A2ML1: variants seen among roughly 807,000 people sequenced by gnomAD.
A2ML1 encodes the protein alpha-2-macroglobulin like 1, also known as alpha-2-macroglobulin-like protein 1.
In A2ML1, 161 loss-of-function variants were observed where a neutral mutation model predicts 181.9. The observed-to-expected ratio is 0.89, with a 90% CI of 0.78 to 1.01. The LOEUF is 1.01. Among genes scored for constraint, A2ML1 ranks in the 50% least tolerant of loss-of-function variants. A2ML1 has a pLI of 0.00. For synonymous variants in A2ML1, 663 were observed against 666.8 expected, an observed-to-expected ratio of 0.99 and a Z score of 0.09; for missense variants, 1,670 against 1,768.1, an observed-to-expected ratio of 0.94 and a Z score of 1.00.
intron 30 of A2ML1, 58 bp from the exon 31 acceptor site, chr12:8,868,172 T>C (rs1230359234): frequency 1.9e-6 from 3 of 1,611,572 alleles, no homozygotes; most frequent in Middle Eastern, 1.7e-4. Context: ...TAGTTTGAAC[T>C]GTACAATCTT....
At position 8,852,140 on chromosome 12, in the gene A2ML1, C is replaced by G. The variant is rs1209537789; in HGVS notation, c.2464-70C>G. 1.3e-6 allele frequency: 2 copies of G among 1,598,984 alleles called. No homozygotes were observed. The highest frequency in any genetic ancestry group is 1.7e-6 in the Non-Finnish European group (2 of 1,171,690). On this transcript the variant is annotated intron_variant, in intron 19 of 35. Transcript: ENST00000299698. This position sits in a 1 kb window ranked among gnomAD's most constrained non-coding sequence, Gnocchi z 4.2. ...GAGGAGATGTCGGCGTCTCAGCCCC[C>G]AGGTTTCCCCAGGCCTCTATGCACT...
chr12:8,873,589 T>C (rs577281024), intron 33 of A2ML1, among the ~76,000 whole-genome samples: 1 of 150,594 alleles, frequency 6.6e-6, no homozygotes, highest in Non-Finnish European at 1.5e-5. Context: ...AAAAATTACA[T>C]GTATATGTGT....
chr12:8,829,702 G>C lies in A2ML1; in HGVS notation c.410-25G>C, dbSNP rs375045726. The C allele has an allele frequency of 4.3e-5, 68 of 1,583,708 alleles. No homozygotes were observed. In the African/African-American group the frequency reaches 7.6e-4, roughly 18 times the overall value. On this transcript the variant is annotated intron_variant, in intron 3 of 35. Transcript: ENST00000299698. ...TTCTGAGCCAGGAAACATCCCCTTT[G>C]CTAATGATGCCTGTTCCTTTCCAGT...
rs137957412 is a variant in A2ML1, at chr12:8,826,911, G to A, written c.410-2816G>A. On this transcript the variant is annotated intron_variant, in intron 3 of 35. Transcript: ENST00000299698. Reference sequence around the variant, plus strand: ...TGGGGTTACACGCGTAAGCCACCACGTCTGTCTTCTTGCACTTTTAGGATT... The same window carrying A: ...TGGGGTTACACGCGTAAGCCACCACATCTGTCTTCTTGCACTTTTAGGATT... Among the ~76,000 whole-genome samples the A allele has an allele frequency of 1.1e-3, 163 of 151,800 alleles. No individual in the cohort carries two copies. In the East Asian group the frequency reaches 0.014, roughly 13 times the overall value.
intron 14 of A2ML1, 124 bp from the exon 15 acceptor site, chr12:8,847,425 T>C (rs982005405): frequency 5.0e-6 from 6 of 1,205,522 alleles, no homozygotes; most frequent in Non-Finnish European, 6.9e-6. Context: ...GAAAGATAAG[T>C]ACAAAAGTGA....
Position 8,835,557 on chromosome 12 carries a change from AG to A in A2ML1, c.536del (p.Gly179AlafsTer3), listed in dbSNP as rs1411536400. ...AGTGGCTGGAAGTGGTACCTGAGCA[AG>A]GCATTGTAGACCTGTCCTTCCAACT... ...AQWLEVVPEQ[G>X]IVDLSFQLAP... On this transcript the variant is annotated frameshift_variant, in exon 6 of 36. Coordinates refer to ENST00000299698, the MANE Select transcript of A2ML1 (RefSeq NM_144670.6). LOFTEE classifies it high-confidence loss of function. 6.2e-7 allele frequency: 1 copy of A among 1,614,176 alleles called. No homozygotes were observed. The highest frequency in any genetic ancestry group is 8.5e-7 in the Non-Finnish European group (1 of 1,180,030).
In A2ML1 at chr12:8,857,229, G is replaced by T. The variant is rs760545562; in HGVS notation, c.2914G>T (p.Glu972Ter). ...GGTGCAGATGCCCAGTGGCTGTGGC[G>T]AGCAGAACATGGTCTTGTTTGCTCC... ...GLVQMPSGCG[E>*]QNMVLFAPII... Residue 972 changes from glutamate (E) to a stop codon, truncating the protein, a stop_gained, in exon 24 of 36, where the codon GAG becomes TAG. Transcript: ENST00000299698. LOFTEE classifies it high-confidence loss of function. 1 of 1,613,176 alleles carries T rather than the reference G, an allele frequency of 6.2e-7. No individual in the cohort carries two copies. Among genetic ancestry groups the T allele is most frequent in the South Asian group, 1.1e-5 (1 of 91,018 alleles).
In A2ML1 at chr12:8,854,755, T is replaced by C. The variant is rs760651959; in HGVS notation, c.2713-25T>C. ...CTCCTGATGTTCATCTTTGTTGTTT[T>C]TATCTGTGTCTCTCTTCATCGCAGC... On this transcript the variant is annotated intron_variant, in intron 21 of 35. Transcript: ENST00000299698. 64 of 1,613,894 alleles carry C rather than the reference T, an allele frequency of 4.0e-5. No individual in the cohort carries two copies. In the South Asian group the frequency reaches 6.9e-4, roughly 17 times the overall value.
intron 14 of A2ML1, 144 bp downstream of exon 14, chr12:8,846,366 TG>T: frequency 1.0e-6 from 1 of 1,003,590 alleles, no homozygotes; most frequent in Non-Finnish European, 1.4e-6. Context: ...CTTTAGTGTT[TG>T]GGGTTTGTGT....
chr12:8,860,350 A>G (rs1398749635), intron 26 of A2ML1, among the ~76,000 whole-genome samples: 3 of 152,166 alleles, frequency 2.0e-5, no homozygotes, highest in African/African-American at 7.2e-5. Flanking sequence ...ACCACAAGCT[A>G]TTTAATCTTG....
At chr12:8,824,157 C>T (rs749427463) in intron 3 of A2ML1, among the ~76,000 whole-genome samples, 4 of 150,384 alleles carry the variant, frequency 2.7e-5, no homozygotes, top group African/African-American at 9.8e-5. Flanking sequence ...GGTTGCTGGG[C>T]CTTACAACAA....
rs3079166 is a variant in A2ML1, at chr12:8,868,457, C to CGTGTGT, written c.4062-67_4062-62dup. 0.091 allele frequency: 130,058 copies of CGTGTGT among 1,427,734 alleles called. 1,935 individuals carry two copies. The highest frequency in any genetic ancestry group is 0.14 in the Middle Eastern group (759 of 5,374). The allele number at this position is 1,427,734 out of a possible 1,614,324, so 88.4% of individuals were successfully genotyped here. A position where few individuals can be genotyped will look rare whatever the true frequency, so the allele number is the denominator to read the frequency against. On this transcript the variant is annotated intron_variant, in intron 31 of 35. Transcript: ENST00000299698. The stretch of plus-strand genomic sequence containing the variant: ...GTGTGTCTGTGTATGTGTGTGTGTA[C>CGTGTGT]GTGTGTGTGTGTGTGTGTTGGGGAT...
chr12:8,826,897 G>A (rs1027404574), intron 3 of A2ML1, among the ~76,000 whole-genome samples: 11 of 152,066 alleles, frequency 7.2e-5, no homozygotes, highest in African/African-American at 1.2e-4. Flanking sequence ...GGGGTTACAC[G>A]CGTAAGCCAC....
intron 33 of A2ML1, among the ~76,000 whole-genome samples, chr12:8,872,208 A>G (rs1335263811): frequency 1.3e-5 from 2 of 151,114 alleles, no homozygotes; most frequent in Non-Finnish European, 2.9e-5. Context: ...AAAAACTGCT[A>G]CCCCAGCTTT....
chr12:8,823,390 C>T (rs748999039), intron 2 of A2ML1, 25 bp downstream of exon 2: 14 of 1,598,340 alleles, frequency 8.8e-6, no homozygotes, highest in South Asian at 1.1e-5. Context: ...AGCCCTCACT[C>T]GAATCCCTTA....
chr12:8,886,716 G>C (rs1461710322), exon 8 of A2ML1: 4 of 152,176 alleles, frequency 2.6e-5, no homozygotes, highest in African/African-American at 9.7e-5. Context: ...TTATGCATTT[G>C]TAACTGTGTT....
At chr12:8,846,054 G>T (rs753561080) in intron 13 of A2ML1, 23 bp from the exon 14 acceptor site, 22 of 1,613,736 alleles carry the variant, frequency 1.4e-5, no homozygotes, top group Non-Finnish European at 1.8e-5. Flanking sequence ...TGATTTTCCT[G>T]TATATTCCCT....
chr12:8,881,817 C>A (rs1168445605), intron 7 of A2ML1, among the ~76,000 whole-genome samples: 2 of 152,014 alleles, frequency 1.3e-5, no homozygotes, highest in African/African-American at 4.8e-5. Context: ...CGAGACCATC[C>A]TGGCTAACAC....
At chr12:8,824,111 C>T (rs1401598685) in intron 3 of A2ML1, among the ~76,000 whole-genome samples, 4 of 151,222 alleles carry the variant, frequency 2.6e-5, no homozygotes, top group African/African-American at 9.7e-5. Flanking sequence ...CAAAAGTACA[C>T]ATTTCTTCTG....
Sources: gnomAD v4.1 joint callset for allele counts (sites outside exome capture counted in the v4.1 genomes callset) on GRCh38, gnomAD v4.1.1 for gene constraint, Gnocchi (gnomAD v3.1) non-coding constraint, MANE v1.5 for transcripts, NCBI Gene and HGNC (gene_info 2026-07-23, HGNC 2026-07-21) for gene names.